The following RASGRP2 variants were observed in gnomAD, a reference collection of about 807,000 sequenced individuals.
RASGRP2 encodes RAS guanyl-releasing protein 2.
A neutral mutation model predicts 71.0 loss-of-function variants in RASGRP2; 44 were observed. The ratio of observed to expected loss-of-function variants is 0.62; its 90% CI spans 0.49 to 0.80. RASGRP2 has a LOEUF of 0.80. Ranked by LOEUF, RASGRP2 falls within the 30% of genes least tolerant of loss-of-function variation. The pLI, the probability that RASGRP2 is intolerant of heterozygous loss-of-function variation, is 0.00. For synonymous variants in RASGRP2, 350 were observed against 330.7 expected (o/e 1.06, Z -0.63); for missense variants, 663 against 813.4 (o/e 0.82, Z 2.25).
At chr11:64,737,584 A>G (rs774847569) in intron 8 of RASGRP2, among the ~76,000 whole-genome samples, 5 of 151,754 alleles carry the variant, frequency 3.3e-5, no homozygotes, top group Middle Eastern at 6.8e-3. Context: ...AGGCAGGAGA[A>G]TCGCTTGAAC....
At chr11:64,744,285 G>A, upstream of RASGRP2, 1 of 985,456 alleles carries the variant, frequency 1.0e-6, no homozygotes, top group Non-Finnish European at 1.2e-6. Context: ...CCAGATTTTG[G>A]CAGAGCCTTG....
At position 64,743,118 on chromosome 11, in the gene RASGRP2, G is replaced by A. The variant is rs1191682858; in HGVS notation, c.-71-181C>T. On this transcript the variant is annotated intron_variant, in intron 1 of 16. Transcript: ENST00000394432. The surrounding 1 kb of genome is among the most constrained non-coding windows in gnomAD (Gnocchi z 4.9). Reference sequence around the variant, plus strand: ...GGTGCAACCCGCCAGTTGGGAAACGGACCCGCAGAGAGGCTTCCGGCCCAC... The same window carrying A: ...GGTGCAACCCGCCAGTTGGGAAACGAACCCGCAGAGAGGCTTCCGGCCCAC... 1 of 717,644 alleles carries A rather than the reference G, an allele frequency of 1.4e-6. No individual in the cohort carries two copies. Among genetic ancestry groups the A allele is most frequent in the East Asian group, 2.8e-5 (1 of 35,164 alleles). 44.5% of individuals were successfully genotyped at this position (717,644 alleles called of 1,614,324 possible).
chr11:64,736,762 G>C lies in RASGRP2; in HGVS notation c.1086C>G (p.Ser362Arg), dbSNP rs2057952090. The change falls in exon 9 of 17, where the codon AGC (serine) becomes AGG (arginine). Residue 362 changes from serine to arginine, a missense_variant. Transcript: ENST00000394432. ...PPVQANPDLLSLLTVSLDQYQ... is the reference protein window; with the variant it reads ...PPVQANPDLLRLLTVSLDQYQ... ...GCCCCCTGCTCCTCACCGTGAGCAGGCTCAGCAGGTCGGGGTTGGCCTGTA... is the reference window on the plus strand; with the variant it reads ...GCCCCCTGCTCCTCACCGTGAGCAGCCTCAGCAGGTCGGGGTTGGCCTGTA... 14 of 1,588,906 alleles carry C rather than the reference G, an allele frequency of 8.8e-6. No homozygotes were observed. Among genetic ancestry groups the C allele is most frequent in the Non-Finnish European group, 1.1e-5 (13 of 1,168,254 alleles).
At chr11:64,738,330 A>G (rs577759843) in intron 8 of RASGRP2, among the ~76,000 whole-genome samples, 35 of 152,232 alleles carry the variant, frequency 2.3e-4, no homozygotes, top group Non-Finnish European at 4.9e-4. Context: ...GTTATGCTCT[A>G]AAGTGCTGGG....
chr11:64,740,874 AACAG>A (rs1288778994), intron 5 of RASGRP2, 70 bp downstream of exon 5: 2 of 1,585,046 alleles, frequency 1.3e-6, no homozygotes, highest in Non-Finnish European at 1.7e-6. Context: ...CATTCAGTTC[AACAG>A]ACATTTATTA....
intron 12 of RASGRP2, among the ~76,000 whole-genome samples, chr11:64,732,255 T>G (rs188498729): frequency 6.6e-6 from 1 of 152,118 alleles, no homozygotes; most frequent in Admixed American, 6.6e-5. Context: ...CAGTGGCTCA[T>G]GCCTGTAATC....
Position 64,727,205 on chromosome 11 carries a change from C to G in RASGRP2, c.*7-74G>C, listed in dbSNP as rs180722704. 758 of 1,170,274 alleles carry G rather than the reference C, an allele frequency of 6.5e-4. 4 individuals are homozygous for G. In the African/African-American group the frequency reaches 9.6e-3, roughly 15 times the overall value. 72.5% of individuals were successfully genotyped at this position (1,170,274 alleles called of 1,614,324 possible). Reference sequence around the variant, plus strand: ...GGTAGTAGCCCACCTGGCTTGGAGCCATTTGGATAAAGCACCCATTTCCCT... The same window carrying G: ...GGTAGTAGCCCACCTGGCTTGGAGCGATTTGGATAAAGCACCCATTTCCCT... On this transcript the variant is annotated intron_variant, in intron 16 of 16. Transcript: ENST00000394432.
At chr11:64,736,188 C>T (rs531921028) in intron 9 of RASGRP2, among the ~76,000 whole-genome samples, 2 of 152,310 alleles carry the variant, frequency 1.3e-5, no homozygotes, top group Admixed American at 6.5e-5. Context: ...AAACCTTGAA[C>T]ACAACATATT....
intron 12 of RASGRP2, among the ~76,000 whole-genome samples, chr11:64,733,045 A>C (rs1218818036): frequency 6.6e-6 from 1 of 151,854 alleles, no homozygotes; most frequent in Non-Finnish European, 1.5e-5. Flanking sequence ...GAATTACTTG[A>C]ACCTGGGAGG....
At position 64,742,644 on chromosome 11, in the gene RASGRP2, G is replaced by T; in HGVS notation, c.73+150C>A. ...GGCGTGCATCTCTCTGCCCTGCGTT[G>T]CGGAGGAGGCTTTCGTTAAAGAGAC... On this transcript the variant is annotated intron_variant, in intron 2 of 16. Transcript: ENST00000394432. This position sits in a 1 kb window ranked among gnomAD's most constrained non-coding sequence, Gnocchi z 4.7. 2 of 1,002,494 alleles carry T rather than the reference G, an allele frequency of 2.0e-6. No individual in the cohort carries two copies. The highest frequency in any genetic ancestry group is 3.0e-6 in the Non-Finnish European group (2 of 662,542). The allele number at this position is 1,002,494 out of a possible 1,614,324, so 62.1% of individuals were successfully genotyped here. A position where few individuals can be genotyped will look rare whatever the true frequency, so the allele number is the denominator to read the frequency against.
In RASGRP2 at chr11:64,735,320, TGA is replaced by T. The variant is rs2057895879; in HGVS notation, c.1297-95_1297-94del. The T allele has an allele frequency of 7.9e-7, 1 of 1,268,758 alleles. No individual in the cohort carries two copies. Among genetic ancestry groups the T allele is most frequent in the Non-Finnish European group, 1.1e-6 (1 of 874,738 alleles). The allele number at this position is 1,268,758 out of a possible 1,614,324, so 78.6% of individuals were successfully genotyped here. ...CTTCCCACGTTCCCAGTCCATTTGA[TGA>T]GGTGTGTCTCAGAGAGGTCTCTGAC... On this transcript the variant is annotated intron_variant, in intron 11 of 16. Coordinates refer to ENST00000394432, the MANE Select transcript of RASGRP2 (RefSeq NM_001098671.2). This position sits in a 1 kb window ranked among gnomAD's most constrained non-coding sequence, Gnocchi z 4.2.
In RASGRP2 at chr11:64,739,542, A is replaced by C; in HGVS notation, c.697-66T>G. The C allele has an allele frequency of 6.2e-7, 1 of 1,609,942 alleles. No individual in the cohort carries two copies. Among genetic ancestry groups the C allele is most frequent in the Middle Eastern group, 1.7e-4 (1 of 6,052 alleles). ...GTGGGCCCAGAATTTGGCCCAGCTTATCTAGAGAGAAGGCAGTGGGTTAGG... is the reference window on the plus strand; with the variant it reads ...GTGGGCCCAGAATTTGGCCCAGCTTCTCTAGAGAGAAGGCAGTGGGTTAGG... On this transcript the variant is annotated intron_variant, in intron 7 of 16. Coordinates refer to ENST00000394432, the MANE Select transcript of RASGRP2 (RefSeq NM_001098671.2). This position sits in a 1 kb window ranked among gnomAD's most constrained non-coding sequence, Gnocchi z 4.2.
Position 64,742,735 on chromosome 11 carries a change from G to A in RASGRP2, c.73+59C>T. ...CCCTGGACTGTGCCTGGGAGGCAGG[G>A]ACCCGGGCTCAGACTCGGGGCTAGG... On this transcript the variant is annotated intron_variant, in intron 2 of 16. Coordinates refer to ENST00000394432, the MANE Select transcript of RASGRP2 (RefSeq NM_001098671.2). The surrounding 1 kb of genome is among the most constrained non-coding windows in gnomAD (Gnocchi z 4.7). 1 of 1,558,888 alleles carries A rather than the reference G, an allele frequency of 6.4e-7. No individual in the cohort carries two copies. The highest frequency in any genetic ancestry group is 8.7e-7 in the Non-Finnish European group (1 of 1,151,504).
intron 14 of RASGRP2, 122 bp from the exon 15 acceptor site, chr11:64,729,164 A>G: frequency 1.0e-6 from 1 of 972,764 alleles, no homozygotes; most frequent in Non-Finnish European, 1.6e-6. Context: ...CCACCAAAAT[A>G]AGAGTCTCCT....
chr11:64,739,595 T>C lies in RASGRP2; in HGVS notation c.696+41A>G, dbSNP rs772221690. 7 of 1,612,820 alleles carry C rather than the reference T, an allele frequency of 4.3e-6. No individual in the cohort carries two copies. The highest frequency in any genetic ancestry group is 1.3e-5 in the African/African-American group (1 of 74,856). ...AAGGGAAGGGTTGGCCTGACTGGCATGTGGGGTGGTTGGGAGACACCGGGA... is the reference window on the plus strand; with the variant it reads ...AAGGGAAGGGTTGGCCTGACTGGCACGTGGGGTGGTTGGGAGACACCGGGA... On this transcript the variant is annotated intron_variant, in intron 7 of 16. Coordinates refer to ENST00000394432, the MANE Select transcript of RASGRP2 (RefSeq NM_001098671.2). This position sits in a 1 kb window ranked among gnomAD's most constrained non-coding sequence, Gnocchi z 4.2.
At position 64,743,472 on chromosome 11, in the gene RASGRP2, G is replaced by T; in HGVS notation, c.-72+531C>A. ...GCCCAGGAAGGCGAGGCGGGGCTGCGGCAGCCCCCAGGGGGCCTGCCCTAG... is the reference window on the plus strand; with the variant it reads ...GCCCAGGAAGGCGAGGCGGGGCTGCTGCAGCCCCCAGGGGGCCTGCCCTAG... On this transcript the variant is annotated intron_variant, in intron 1 of 16. Transcript: ENST00000394432. This position sits in a 1 kb window ranked among gnomAD's most constrained non-coding sequence, Gnocchi z 4.9. 1 of 350,154 alleles carries T rather than the reference G, an allele frequency of 2.9e-6. No homozygotes were observed. The highest frequency in any genetic ancestry group is 5.6e-6 in the Non-Finnish European group (1 of 177,278). 21.7% of individuals were successfully genotyped at this position (350,154 alleles called of 1,614,324 possible).
chr11:64,739,328 G>A lies in RASGRP2; in HGVS notation c.813+32C>T, dbSNP rs775423919. 1 of 1,555,592 alleles carries A rather than the reference G, an allele frequency of 6.4e-7. No homozygotes were observed. Among genetic ancestry groups the A allele is most frequent in the Admixed American group, 1.7e-5 (1 of 59,938 alleles). On this transcript the variant is annotated intron_variant, in intron 8 of 16. Transcript: ENST00000394432. This position sits in a 1 kb window ranked among gnomAD's most constrained non-coding sequence, Gnocchi z 4.2. ...GGAGGACCCAGTGAAGACAGACCTG[G>A]GAAGCACCGGCCCCTCCCCAGTCCC... is the stretch of plus-strand genomic sequence containing the variant.
Position 64,735,136 on chromosome 11 carries a change from G to T in RASGRP2, c.1388C>A (p.Ala463Asp), listed in dbSNP as rs373654113. The change falls in exon 12 of 17, where the codon GCC becomes GAC. Residue 463 changes from alanine to aspartate, a missense_variant. Physicochemically the swap from Ala to Asp is moderately radical, Grantham distance 126 (BLOSUM62 -2). Coordinates refer to ENST00000394432, the MANE Select transcript of RASGRP2 (RefSeq NM_001098671.2). The surrounding 1 kb of genome is among the most constrained non-coding windows in gnomAD (Gnocchi z 4.2). ...IIRGNFPYLS[A>D]FGDLDQNQDG... ...CTGGTTCTGGTCGAGGTCCCCAAAG[G>T]CGCTGAGGTAAGGGAAGTTCCCACG... 28 of 1,614,036 alleles carry T rather than the reference G, an allele frequency of 1.7e-5. No individual in the cohort carries two copies. Among genetic ancestry groups the T allele is most frequent in the Non-Finnish European group, 2.2e-5 (26 of 1,179,998 alleles).
intron 5 of RASGRP2, chr11:64,740,504 A>G (rs1352535374): frequency 1.6e-6 from 1 of 627,890 alleles, no homozygotes; most frequent in Non-Finnish European, 3.0e-6. Flanking sequence ...ACACATGTAC[A>G]GAGGTCTTTG....
Sources: gnomAD v4.1 joint callset for allele counts (sites outside exome capture counted in the v4.1 genomes callset) on GRCh38, gnomAD v4.1.1 for gene constraint, Gnocchi (gnomAD v3.1) non-coding constraint, MANE v1.5 for transcripts, NCBI Gene and HGNC (gene_info 2026-07-23, HGNC 2026-07-21) for gene names.